The following TTC17 variants were observed in gnomAD, a reference collection of about 807,000 sequenced individuals.
TTC17 encodes tetratricopeptide repeat protein 17.
In TTC17, 58 loss-of-function variants were observed where a neutral mutation model predicts 143.8. The ratio of observed to expected loss-of-function variants is 0.40; its 90% CI spans 0.33 to 0.50. The LOEUF (loss-of-function observed/expected upper bound fraction) is 0.50. TTC17 is among the 20% of genes least tolerant of loss of function. The pLI, the probability that TTC17 is intolerant of heterozygous loss-of-function variation, is 0.49. For synonymous variants in TTC17, 501 were observed against 497.8 expected (o/e 1.01, Z -0.09); for missense variants, 1,273 against 1,392.5 (o/e 0.91, Z 1.37).
intron 21 of TTC17, among the ~76,000 whole-genome samples, chr11:43,457,319 C>T (rs190000684): frequency 2.0e-5 from 3 of 151,990 alleles, no homozygotes; most frequent in Non-Finnish European, 4.4e-5. Flanking sequence ...ATCAGTCTTA[C>T]GACCTCTTTG....
intron 5 of TTC17, among the ~76,000 whole-genome samples, chr11:43,394,459 G>A (rs1320178527): frequency 1.3e-5 from 2 of 152,194 alleles, no homozygotes; most frequent in South Asian, 2.1e-4. Flanking sequence ...GATGAAGGTG[G>A]TTTGGACTAG....
chr11:43,384,170 T>TA (rs1857083927), intron 2 of TTC17, among the ~76,000 whole-genome samples: 1 of 151,268 alleles, frequency 6.6e-6, no homozygotes, highest in South Asian at 2.1e-4. Flanking sequence ...AATCTATAGT[T>TA]ACCAAACTTA....
intron 4 of TTC17, 58 bp downstream of exon 4, chr11:43,391,634 T>C: frequency 2.9e-5 from 37 of 1,280,776 alleles, no homozygotes; most frequent in Non-Finnish European, 3.9e-5. Context: ...TTTCAGTTGG[T>C]CTCTCACTTA....
At chr11:43,397,074 A>G (rs1590352512) in intron 6 of TTC17, 1 of 472,602 alleles carries the variant, frequency 2.1e-6, no homozygotes, top group East Asian at 3.0e-5. Context: ...ATGATACTTG[A>G]ATGGAATTAT....
At chr11:43,373,239 A>G (rs935566894) in intron 1 of TTC17, among the ~76,000 whole-genome samples, 2 of 152,174 alleles carry the variant, frequency 1.3e-5, no homozygotes, top group Non-Finnish European at 2.9e-5. Context: ...TGATTTTGCC[A>G]TGAACAACAT....
In TTC17 at chr11:43,491,524, G is replaced by C. The variant is rs1351543453; in HGVS notation, c.3151-496G>C. On this transcript the variant is annotated intron_variant, in intron 22 of 23. Transcript: ENST00000039989. ...GAAAACAGCCACAGAAATACGTAGA[G>C]GACTGGGAATGATTGTGTCCTAATA... is the stretch of plus-strand genomic sequence containing the variant. 2.0e-5 allele frequency: 3 copies of C among 152,766 alleles called. No individual in the cohort carries two copies. In the South Asian group the frequency reaches 6.2e-4, roughly 32 times the overall value. 9.5% of individuals were successfully genotyped at this position (152,766 alleles called of 1,614,324 possible).
At chr11:43,372,275 G>A (rs1471372382) in intron 1 of TTC17, among the ~76,000 whole-genome samples, 1 of 150,438 alleles carries the variant, frequency 6.6e-6, no homozygotes, top group Admixed American at 6.6e-5. Context: ...TTACAGGAAA[G>A]AAATAATCTG....
At chr11:43,444,343 C>CT in intron 18 of TTC17, 134 bp downstream of exon 18, 1 of 814,922 alleles carries the variant, frequency 1.2e-6, no homozygotes, top group African/African-American at 1.8e-5. Context: ...AGAAACCAGT[C>CT]TATCTTCTGT....
At chr11:43,490,744 C>CT (rs1948459309) in intron 22 of TTC17, 1 of 150,140 alleles carries the variant, frequency 6.7e-6, no homozygotes, top group African/African-American at 2.5e-5. Context: ...ACTTGTTTTG[C>CT]TTATCCTCTT....
rs57982323 is a variant in TTC17 at position 43,412,981 on chromosome 11, GACACACACACACACAC to G, written c.2065-1577_2065-1562del. Among the ~76,000 whole-genome samples, 155 of 140,482 alleles carry G rather than the reference GACACACACACACACAC, an allele frequency of 1.1e-3. 1 individual carries two copies. Among genetic ancestry groups the G allele is most frequent in the African/African-American group, 3.6e-3 (134 of 37,652 alleles). The allele number at this position is 140,482 out of a possible 152,430, so 92.2% of individuals were successfully genotyped here. A position where few individuals can be genotyped will look rare whatever the true frequency, so the allele number is the denominator to read the frequency against. On this transcript the variant is annotated intron_variant, in intron 15 of 23. Coordinates refer to ENST00000039989, the MANE Select transcript of TTC17 (RefSeq NM_018259.6). ...TCTACATAGAACTGGACCTAGAATAGACACACACACACACACACACACACACACACACACACACACA... is the reference window on the plus strand; with the variant it reads ...TCTACATAGAACTGGACCTAGAATAGACACACACACACACACACACACACA...
chr11:43,482,882 A>G (rs966518796), intron 21 of TTC17, among the ~76,000 whole-genome samples: 3 of 152,128 alleles, frequency 2.0e-5, no homozygotes, highest in African/African-American at 7.2e-5. Context: ...GAAATAGAAA[A>G]CAAAGATATA....
At chr11:43,459,720 T>C (rs1225999192) in intron 21 of TTC17, among the ~76,000 whole-genome samples, 1 of 152,204 alleles carries the variant, frequency 6.6e-6, no homozygotes, top group Non-Finnish European at 1.5e-5. Context: ...TTCTTTTACT[T>C]TAGGATGGTA....
chr11:43,413,705 T>C (rs1946710387), intron 15 of TTC17, among the ~76,000 whole-genome samples: 1 of 149,316 alleles, frequency 6.7e-6, no homozygotes, highest in South Asian at 2.1e-4. Context: ...AATAGGCACC[T>C]GAAAAAAAAA....
At chr11:43,363,244 G>C (rs1355465522) in intron 1 of TTC17, among the ~76,000 whole-genome samples, 1 of 152,264 alleles carries the variant, frequency 6.6e-6, no homozygotes, top group Non-Finnish European at 1.5e-5. Flanking sequence ...TTAATCCCTA[G>C]TTTGGCAATA....
chr11:43,362,425 A>G (rs1441194467), intron 1 of TTC17, among the ~76,000 whole-genome samples: 1 of 152,168 alleles, frequency 6.6e-6, no homozygotes, highest in African/African-American at 2.4e-5. Context: ...GGCACCCACC[A>G]GTTACATACC....
In TTC17 at chr11:43,449,905, T is replaced by C. The variant is rs1248913338; in HGVS notation, c.2787-177T>C. 4.3e-6 allele frequency: 3 copies of C among 691,718 alleles called. No homozygotes were observed. In the African/African-American group the frequency reaches 5.5e-5, roughly 13 times the overall value. The allele number at this position is 691,718 out of a possible 1,614,324, so 42.8% of individuals were successfully genotyped here. ...GTGGGTATTTATCACCACTTATATC[T>C]TGGAAGAAGAAATCCTAGAAGAAAA... On this transcript the variant is annotated intron_variant, in intron 19 of 23. Coordinates refer to ENST00000039989, the MANE Select transcript of TTC17 (RefSeq NM_018259.6).
chr11:43,438,269 T>C (rs977190113), intron 16 of TTC17, among the ~76,000 whole-genome samples: 3 of 152,330 alleles, frequency 2.0e-5, no homozygotes, highest in Admixed American at 2.0e-4. Context: ...GCAATTCTCC[T>C]GCCTCAGCCT....
chr11:43,436,281 C>A (rs1947291161), intron 16 of TTC17: 8 of 1,365,460 alleles, frequency 5.9e-6, no homozygotes, highest in Non-Finnish European at 6.6e-6. Context: ...GAGGAGGACC[C>A]TGTATTCTCT....
chr11:43,428,190 C>G (rs776601856), intron 16 of TTC17, among the ~76,000 whole-genome samples: 3 of 151,998 alleles, frequency 2.0e-5, no homozygotes, highest in Non-Finnish European at 4.4e-5. Flanking sequence ...CTCTCTCGAC[C>G]CTCATTGAAA....
Sources: allele counts gnomAD v4.1 joint callset (sites outside exome capture counted in the v4.1 genomes callset), GRCh38; gene constraint gnomAD v4.1.1; transcripts MANE v1.5; gene names NCBI Gene and HGNC (gene_info 2026-07-23, HGNC 2026-07-21).